RRP15: variants seen among roughly 807,000 people sequenced by gnomAD.
RRP15 encodes RRP15-like protein.
Under a neutral mutation model 27.1 loss-of-function variants are expected in RRP15, and 18 were observed. The ratio of observed to expected loss-of-function variants is 0.66; its 90% CI spans 0.46 to 0.98. The LOEUF is 0.98. RRP15 is among the 50% of genes least tolerant of loss of function. RRP15 has a pLI of 0.00. For missense variants in RRP15, 359 were observed against 337.8 expected (o/e 1.06, Z -0.49); for synonymous variants, 107 against 109.4 (o/e 0.98, Z 0.14).
At chr1:218,314,105 T>C (rs1175908001) in intron 4 of RRP15, among the ~76,000 whole-genome samples, 1 of 152,056 alleles carries the variant, frequency 6.6e-6, no homozygotes, top group Admixed American at 6.5e-5. Context: ...TCCACCCACC[T>C]AGGCCTCCCA....
intron 1 of RRP15, among the ~76,000 whole-genome samples, chr1:218,290,857 G>T (rs145510011): frequency 7.8e-4 from 119 of 152,232 alleles, no homozygotes; most frequent in African/African-American, 2.6e-3. Context: ...GGCCACATGC[G>T]GGGGGCATAC....
At chr1:218,318,209 C>T (rs911343370) in intron 4 of RRP15, among the ~76,000 whole-genome samples, 2 of 151,946 alleles carry the variant, frequency 1.3e-5, no homozygotes, top group Admixed American at 6.6e-5. Flanking sequence ...GAAAGTATTA[C>T]CCCCATGTGC....
intron 1 of RRP15, among the ~76,000 whole-genome samples, chr1:218,299,479 T>C (rs1223408037): frequency 6.6e-6 from 1 of 152,158 alleles, no homozygotes; most frequent in Non-Finnish European, 1.5e-5. Flanking sequence ...TGGTGTGGGT[T>C]ACACCATCAG....
intron 4 of RRP15, 50 bp downstream of exon 4, chr1:218,307,682 C>G: frequency 1.6e-6 from 2 of 1,268,580 alleles, no homozygotes; most frequent in East Asian, 2.4e-5. Flanking sequence ...AGCTCTAAAA[C>G]TAGTCTTGAG....
intron 1 of RRP15, among the ~76,000 whole-genome samples, chr1:218,294,265 T>G (rs1655688057): frequency 6.6e-6 from 1 of 152,140 alleles, no homozygotes; most frequent in African/African-American, 2.4e-5. Context: ...TACCACCTGT[T>G]TGCTCTCCAA....
intron 4 of RRP15, among the ~76,000 whole-genome samples, chr1:218,321,376 C>A (rs974614105): frequency 1.3e-5 from 2 of 152,206 alleles, no homozygotes; most frequent in African/African-American, 2.4e-5. Context: ...TGCTGCCTTG[C>A]AGCAACACTG....
intron 1 of RRP15, among the ~76,000 whole-genome samples, chr1:218,289,151 T>TA (rs566525252): frequency 1.3e-5 from 2 of 152,206 alleles, no homozygotes; most frequent in Admixed American, 6.5e-5. Flanking sequence ...TCTTCTGACC[T>TA]AAAAAAACTG....
intron 4 of RRP15, among the ~76,000 whole-genome samples, chr1:218,329,864 C>CT (rs1437955205): frequency 6.6e-6 from 1 of 151,520 alleles, no homozygotes; most frequent in Non-Finnish European, 1.5e-5. Context: ...TCAGGGCTAT[C>CT]TTTTTTTAAA....
chr1:218,291,274 CA>C (rs927220950), intron 1 of RRP15, among the ~76,000 whole-genome samples: 25 of 146,702 alleles, frequency 1.7e-4, no homozygotes, highest in South Asian at 2.2e-4. Flanking sequence ...CCATCTCTAC[CA>C]AAAAAAAAAT....
At chr1:218,317,036 T>C (rs1362976737) in intron 4 of RRP15, among the ~76,000 whole-genome samples, 2 of 152,228 alleles carry the variant, frequency 1.3e-5, no homozygotes, top group East Asian at 1.9e-4. Flanking sequence ...TTTCCACTTA[T>C]GGTTGAACTA....
chr1:218,296,892 T>G (rs995302496), intron 1 of RRP15, among the ~76,000 whole-genome samples: 1 of 152,138 alleles, frequency 6.6e-6, no homozygotes, highest in Non-Finnish European at 1.5e-5. Context: ...CTTTTATAAT[T>G]GAAGTCACAC....
At chr1:218,318,307 T>C (rs1165484140) in intron 4 of RRP15, among the ~76,000 whole-genome samples, 1 of 152,252 alleles carries the variant, frequency 6.6e-6, no homozygotes, top group African/African-American at 2.4e-5. Context: ...TTATAACTTT[T>C]TGAGAATTAG....
chr1:218,295,009 C>T (rs960018426), intron 1 of RRP15, among the ~76,000 whole-genome samples: 2 of 152,174 alleles, frequency 1.3e-5, no homozygotes. Flanking sequence ...GATGGCCCTA[C>T]CTGAGTTATC....
intron 4 of RRP15, among the ~76,000 whole-genome samples, chr1:218,316,820 A>C (rs1300008565): frequency 6.6e-6 from 1 of 152,234 alleles, no homozygotes; most frequent in East Asian, 1.9e-4. Context: ...CAAAGTTGGA[A>C]ACCAATTTGA....
intron 1 of RRP15, among the ~76,000 whole-genome samples, chr1:218,299,565 A>C (rs781148356): frequency 6.6e-6 from 1 of 152,132 alleles, no homozygotes; most frequent in Non-Finnish European, 1.5e-5. Flanking sequence ...TTGTGTGTGA[A>C]TACATCAGGA....
chr1:218,314,788 C>T (rs1656053818), intron 4 of RRP15, among the ~76,000 whole-genome samples: 2 of 151,658 alleles, frequency 1.3e-5, no homozygotes, highest in South Asian at 4.2e-4. Context: ...GTCAGGAGAT[C>T]GAAACCATCC....
chr1:218,287,593 T>C (rs1655570594), intron 1 of RRP15, among the ~76,000 whole-genome samples: 1 of 152,184 alleles, frequency 6.6e-6, no homozygotes, highest in Non-Finnish European at 1.5e-5. Context: ...TATAGTGTAT[T>C]AGTATAATTA....
intron 1 of RRP15, among the ~76,000 whole-genome samples, chr1:218,295,804 A>G (rs1195581064): frequency 6.6e-6 from 1 of 152,214 alleles, no homozygotes; most frequent in African/African-American, 2.4e-5. Flanking sequence ...TGGCTTGCCC[A>G]ATAGCACATG....
intron 4 of RRP15, among the ~76,000 whole-genome samples, chr1:218,318,151 A>G (rs1656119514): frequency 6.6e-6 from 1 of 152,206 alleles, no homozygotes; most frequent in Non-Finnish European, 1.5e-5. Context: ...GTTAATAGCT[A>G]TCTGCCTTTC....
Sources: gnomAD v4.1 joint callset for allele counts (sites outside exome capture counted in the v4.1 genomes callset) on GRCh38, gnomAD v4.1.1 for gene constraint, MANE v1.5 for transcripts, NCBI Gene and HGNC (gene_info 2026-07-23, HGNC 2026-07-21) for gene names.